Variants in LYPD6 observed in about 807,000 individuals in gnomAD.
LYPD6 encodes LY6/PLAUR domain containing 6.
A neutral mutation model predicts 22.7 loss-of-function variants in LYPD6; 15 were observed. The ratio of observed to expected loss-of-function variants is 0.66; its 90% CI spans 0.44 to 1.02. The LOEUF is 1.02. LYPD6 is among the 50% of genes least tolerant of loss of function. The probability of loss-of-function intolerance (pLI) is 0.00; values close to 1 mark genes in which losing one functional copy is unlikely to be tolerated. For synonymous variants in LYPD6, 72 were observed against 77.5 expected (o/e 0.93, Z 0.37); for missense variants, 189 against 208.4 (o/e 0.91, Z 0.57).
At chr2:149,356,636 T>A (rs1332065656) in intron 1 of LYPD6, among the ~76,000 whole-genome samples, 1 of 152,210 alleles carries the variant, frequency 6.6e-6, no homozygotes, top group Admixed American at 6.5e-5. Flanking sequence ...TCCTTTCCCC[T>A]GAGCCCAGTA....
intron 1 of LYPD6, among the ~76,000 whole-genome samples, chr2:149,411,585 G>T (rs1450894267): frequency 6.6e-6 from 1 of 152,046 alleles, no homozygotes; most frequent in Non-Finnish European, 1.5e-5. Context: ...TGTGGGGTGC[G>T]ATATAATTTG....
intron 3 of LYPD6, among the ~76,000 whole-genome samples, chr2:149,450,086 A>T (rs147746350): frequency 7.9e-5 from 12 of 152,332 alleles, no homozygotes; most frequent in African/African-American, 2.9e-4. Flanking sequence ...CTAGTACTCT[A>T]ACCCAGGAGC....
intron 2 of LYPD6, among the ~76,000 whole-genome samples, chr2:149,445,425 G>A (rs1683666214): frequency 6.6e-6 from 1 of 152,186 alleles, no homozygotes; most frequent in African/African-American, 2.4e-5. Context: ...TTTCTCTCTA[G>A]CTATGAAAGT....
intron 4 of LYPD6, among the ~76,000 whole-genome samples, chr2:149,470,044 T>A (rs1043865244): frequency 2.0e-5 from 3 of 152,184 alleles, no homozygotes; most frequent in Non-Finnish European, 4.4e-5. Flanking sequence ...CCAGCTGATG[T>A]TGGAGCTGCT....
chr2:149,356,273 C>T (rs1285358624), intron 1 of LYPD6, among the ~76,000 whole-genome samples: 3 of 152,108 alleles, frequency 2.0e-5, no homozygotes, highest in Non-Finnish European at 4.4e-5. Context: ...GAAGAAAGCT[C>T]ATTGGCCTAT....
At chr2:149,387,331 G>GA (rs1682210952) in intron 1 of LYPD6, among the ~76,000 whole-genome samples, 1 of 152,116 alleles carries the variant, frequency 6.6e-6, no homozygotes, top group African/African-American at 2.4e-5. Context: ...TTTTCTCTTA[G>GA]GCCAAACCAC....
At chr2:149,443,235 G>A (rs987814372) in intron 2 of LYPD6, among the ~76,000 whole-genome samples, 26 of 152,192 alleles carry the variant, frequency 1.7e-4, no homozygotes, top group African/African-American at 5.8e-4. Context: ...GTCTCAATAA[G>A]TTTGTTCTTG....
chr2:149,332,459 A>G (rs1469961444), intron 1 of LYPD6, among the ~76,000 whole-genome samples: 3 of 150,604 alleles, frequency 2.0e-5, no homozygotes, highest in East Asian at 1.9e-4. Flanking sequence ...GTAAAAAACC[A>G]TACCATGTGT....
At chr2:149,351,081 T>C (rs1681349325) in intron 1 of LYPD6, among the ~76,000 whole-genome samples, 1 of 152,192 alleles carries the variant, frequency 6.6e-6, no homozygotes, top group Non-Finnish European at 1.5e-5. Flanking sequence ...TAAAGACCTT[T>C]TTCTCACAGA....
intron 1 of LYPD6, among the ~76,000 whole-genome samples, chr2:149,363,653 C>T (rs1271996601): frequency 1.3e-5 from 2 of 152,136 alleles, no homozygotes; most frequent in Non-Finnish European, 2.9e-5. Flanking sequence ...GTGTGCCTGT[C>T]TTTGTTAAAT....
rs114831097 is a variant in LYPD6 at position 149,334,692 on chromosome 2, C to T, written c.-72+3970C>T. 8.2e-4 allele frequency among the ~76,000 whole-genome samples: 124 copies of T among 151,832 alleles called. 1 individual carries two copies. The highest frequency in any genetic ancestry group is 2.9e-3 in the African/African-American group (122 of 41,394). On this transcript the variant is annotated intron_variant, in intron 1 of 4. Transcript: ENST00000334166. The stretch of plus-strand genomic sequence containing the variant: ...AGGACTGGGGGCCAAGAAACCAGAC[C>T]CGTGTCCCTGTGGATGATTGGGAGA...
At chr2:149,407,894 C>T (rs1012658883) in intron 1 of LYPD6, among the ~76,000 whole-genome samples, 7 of 152,200 alleles carry the variant, frequency 4.6e-5, no homozygotes, top group East Asian at 1.9e-4. Flanking sequence ...ATGATGGTGA[C>T]GTACAGATGG....
chr2:149,401,373 T>C (rs900958655), intron 1 of LYPD6, among the ~76,000 whole-genome samples: 5 of 152,194 alleles, frequency 3.3e-5, no homozygotes, highest in Non-Finnish European at 7.3e-5. Flanking sequence ...GGATTTGGGA[T>C]ATGTAAGCAG....
rs138731277 is a variant in LYPD6, at chr2:149,418,608, T to C, written c.-71-19030T>C. On this transcript the variant is annotated intron_variant, in intron 1 of 4. Transcript: ENST00000334166. ...TTCTCTCGAGACCTTGCGCTATTTC[T>C]CAGATACCTGTCCACAATTTTCCCA... 4.6e-3 allele frequency among the ~76,000 whole-genome samples: 697 copies of C among 151,030 alleles called. 7 individuals carry two copies. The highest frequency in any genetic ancestry group is 0.016 in the African/African-American group (662 of 40,362).
intron 4 of LYPD6, among the ~76,000 whole-genome samples, chr2:149,469,818 A>G (rs763502272): frequency 6.6e-6 from 1 of 151,894 alleles, no homozygotes; most frequent in Non-Finnish European, 1.5e-5. Context: ...CAGAATTCCA[A>G]CTCACCTCTG....
At chr2:149,393,126 C>G (rs1682350866) in intron 1 of LYPD6, among the ~76,000 whole-genome samples, 1 of 152,218 alleles carries the variant, frequency 6.6e-6, no homozygotes, top group Non-Finnish European at 1.5e-5. Flanking sequence ...GAATCTCACA[C>G]AAGTCTTCCC....
intron 1 of LYPD6, among the ~76,000 whole-genome samples, chr2:149,382,777 C>CCTGTTTG (rs1682095985): frequency 1.3e-5 from 2 of 152,070 alleles, no homozygotes; most frequent in African/African-American, 4.8e-5. Flanking sequence ...GATTTGATAG[C>CCTGTTTG]CTATTATAAT....
intron 3 of LYPD6, among the ~76,000 whole-genome samples, chr2:149,467,875 C>T (rs1316628303): frequency 6.6e-6 from 1 of 151,940 alleles, no homozygotes; most frequent in Non-Finnish European, 1.5e-5. Context: ...TTAAAAGTTC[C>T]CCCAAAGAAT....
chr2:149,337,434 A>T (rs1320566638), intron 1 of LYPD6, among the ~76,000 whole-genome samples: 1 of 152,036 alleles, frequency 6.6e-6, no homozygotes, highest in Non-Finnish European at 1.5e-5. Context: ...CCTCTGGCTT[A>T]TTCTCAAGTT....
Sources: allele counts gnomAD v4.1 joint callset (sites outside exome capture counted in the v4.1 genomes callset), GRCh38; gene constraint gnomAD v4.1.1; transcripts MANE v1.5; gene names NCBI Gene and HGNC (gene_info 2026-07-23, HGNC 2026-07-21).